The following ARHGEF3 variants were observed in gnomAD, a reference collection of about 807,000 sequenced individuals.
ARHGEF3 encodes 59.8 kDA protein.
A neutral mutation model predicts 63.2 loss-of-function variants in ARHGEF3; 28 were observed. The observed-to-expected ratio is 0.44, with a 90% CI of 0.33 to 0.61. The LOEUF is 0.61. Among genes scored for constraint, ARHGEF3 ranks in the 20% least tolerant of loss-of-function variants. The probability of loss-of-function intolerance (pLI) is 0.03; values close to 1 mark genes in which losing one functional copy is unlikely to be tolerated. For synonymous variants in ARHGEF3, 266 were observed against 254.2 expected (o/e 1.05, Z -0.44); for missense variants, 533 against 659.3 (o/e 0.81, Z 2.10).
chr3:56,958,483 C>T (rs527305466), intron 3 of ARHGEF3, among the ~76,000 whole-genome samples: 4 of 152,174 alleles, frequency 2.6e-5, no homozygotes, highest in East Asian at 1.9e-4. Context: ...CACATGCCAC[C>T]GTGCCCAGCT....
chr3:56,850,095 G>C (rs1183017182), intron 4 of ARHGEF3, among the ~76,000 whole-genome samples: 1 of 152,002 alleles, frequency 6.6e-6, no homozygotes, highest in African/African-American at 2.4e-5. Context: ...CTGTTCCTAA[G>C]CCCTATTTGT....
chr3:56,820,599 T>G (rs2038449814), intron 4 of ARHGEF3, among the ~76,000 whole-genome samples: 1 of 152,026 alleles, frequency 6.6e-6, no homozygotes, highest in South Asian at 2.1e-4. Context: ...GCATAGGAGT[T>G]TGAGACCAGC....
intron 2 of ARHGEF3, among the ~76,000 whole-genome samples, chr3:56,972,069 CT>C (rs1700936165): frequency 6.6e-6 from 1 of 151,994 alleles, no homozygotes; most frequent in Admixed American, 6.6e-5. Context: ...ATGGATGGGC[CT>C]TGGGTTGCTC....
At chr3:56,967,961 A>T (rs184114278) in intron 2 of ARHGEF3, among the ~76,000 whole-genome samples, 26,086 of 65,950 alleles carry the variant, frequency 0.4, 5,510 homozygotes, top group Non-Finnish European at 0.47. Context: ...ATATATATAA[A>T]ATATATTTTA....
intron 3 of ARHGEF3, among the ~76,000 whole-genome samples, chr3:56,882,756 A>T (rs2040813656): frequency 6.6e-6 from 1 of 152,094 alleles, no homozygotes; most frequent in Non-Finnish European, 1.5e-5. Flanking sequence ...TGACCTCGTG[A>T]TCCGCCCTCC....
intron 2 of ARHGEF3, among the ~76,000 whole-genome samples, chr3:57,017,197 G>GA (rs2107144356): frequency 6.6e-6 from 1 of 152,258 alleles, no homozygotes; most frequent in African/African-American, 2.4e-5. Context: ...CAAATCCAGG[G>GA]AAAGTCTGCA....
intron 1 of ARHGEF3, chr3:57,035,210 A>G (rs981740517): frequency 8.3e-7 from 1 of 1,202,230 alleles, no homozygotes; most frequent in African/African-American, 1.6e-5. Context: ...AACATTTATC[A>G]TCTAGGTACA....
intron 4 of ARHGEF3, among the ~76,000 whole-genome samples, chr3:56,814,937 T>C (rs1245768713): frequency 1.3e-5 from 2 of 152,020 alleles, no homozygotes; most frequent in African/African-American, 2.4e-5. Flanking sequence ...GAGACTAGCC[T>C]GGGCCACAAA....
chr3:56,752,663 G>A lies in ARHGEF3; in HGVS notation c.438+841C>T, dbSNP rs2034843176. Among the ~76,000 whole-genome samples the A allele has an allele frequency of 2.0e-5, 3 of 152,172 alleles. No homozygotes were observed. The South Asian group carries it at 6.2e-4, about 31-fold the overall frequency. On this transcript the variant is annotated intron_variant, in intron 4 of 9. Transcript: ENST00000296315. ...AAACACCTGAAGGTGCTTGAGTTTGGCAAATCTTGATGCAGGAAAGGGGAG... is the reference window on the plus strand; with the variant it reads ...AAACACCTGAAGGTGCTTGAGTTTGACAAATCTTGATGCAGGAAAGGGGAG...
intron 1 of ARHGEF3, chr3:57,073,874 GCCAGGAGCAGCCTCTGCCCTC>G (rs1217229587): frequency 1.9e-6 from 3 of 1,614,180 alleles, no homozygotes; most frequent in Non-Finnish European, 2.5e-6. Context: ...CAGGTGTCCT[GCCAGGAGCAGCCTCTGCCCTC>G]CCAGAGCTGA....
chr3:56,855,529 A>G (rs1424969207), intron 4 of ARHGEF3, among the ~76,000 whole-genome samples: 5 of 151,862 alleles, frequency 3.3e-5, no homozygotes, highest in African/African-American at 1.2e-4. Context: ...CTAAAAATAC[A>G]AAAATTAGCT....
chr3:56,971,515 C>T (rs1700910211), intron 2 of ARHGEF3, among the ~76,000 whole-genome samples: 1 of 152,062 alleles, frequency 6.6e-6, no homozygotes, highest in Non-Finnish European at 1.5e-5. Context: ...GAGAGATGGA[C>T]AGTCAGGCCC....
intron 1 of ARHGEF3, among the ~76,000 whole-genome samples, chr3:57,071,016 G>C (rs1260020935): frequency 6.7e-6 from 1 of 150,006 alleles, no homozygotes; most frequent in Non-Finnish European, 1.5e-5. Flanking sequence ...AGAAAAAGAA[G>C]GACAAAGTTG....
chr3:56,956,271 A>T (rs4395378), intron 3 of ARHGEF3, among the ~76,000 whole-genome samples: 42,168 of 121,808 alleles, frequency 0.35, 6,541 homozygotes, highest in Middle Eastern at 0.48. Context: ...ACTTTTTTTT[A>T]AATTTTATTT....
At chr3:56,913,950 A>G (rs910967953) in intron 3 of ARHGEF3, among the ~76,000 whole-genome samples, 8 of 152,356 alleles carry the variant, frequency 5.3e-5, no homozygotes, top group South Asian at 2.1e-4. Context: ...CTCAGCCATA[A>G]AAAGGAATGA....
intron 9 of ARHGEF3, among the ~76,000 whole-genome samples, chr3:56,730,415 AGTCTTGCTCT>A (rs1273528178): frequency 2.8e-5 from 4 of 145,360 alleles, no homozygotes; most frequent in Non-Finnish European, 6.0e-5. Flanking sequence ...TTTGAGACAG[AGTCTTGCTCT>A]GGAGTGCAGT....
chr3:56,877,667 C>T (rs756769276), intron 4 of ARHGEF3, among the ~76,000 whole-genome samples: 8 of 152,088 alleles, frequency 5.3e-5, no homozygotes, highest in Admixed American at 3.9e-4. Context: ...TATGCCTGCC[C>T]GATCTCAATT....
chr3:56,868,119 A>G (rs1179990628), intron 4 of ARHGEF3, among the ~76,000 whole-genome samples: 2 of 152,138 alleles, frequency 1.3e-5, no homozygotes, highest in Non-Finnish European at 2.9e-5. Context: ...ACCACTCTAC[A>G]TGAACAAAAT....
At chr3:56,818,940 A>T (rs1421115960) in intron 4 of ARHGEF3, among the ~76,000 whole-genome samples, 2 of 152,226 alleles carry the variant, frequency 1.3e-5, no homozygotes, top group Admixed American at 6.5e-5. Context: ...TTTCATTCAA[A>T]CAGCAGAAGT....
Sources: allele counts gnomAD v4.1 joint callset (sites outside exome capture counted in the v4.1 genomes callset), GRCh38; gene constraint gnomAD v4.1.1; transcripts MANE v1.5; gene names NCBI Gene and HGNC (gene_info 2026-07-23, HGNC 2026-07-21).